Variants in PCDHGA2 observed in about 807,000 individuals in gnomAD.
PCDHGA2 encodes protocadherin gamma-A2.
PCDHGA2 carries 40 observed loss-of-function variants against 59.2 expected under a neutral mutation model. The ratio of observed to expected loss-of-function variants is 0.68; its 90% confidence interval spans 0.52 to 0.88. The LOEUF (loss-of-function observed/expected upper bound fraction) is 0.88, where lower values mean the gene tolerates loss of function less well. Among genes scored for constraint, PCDHGA2 ranks in the 40% least tolerant of loss-of-function variants. The pLI, the probability that PCDHGA2 is intolerant of heterozygous loss-of-function variation, is 0.00. For missense variants in PCDHGA2, 1,226 were observed against 1,204.0 expected (o/e 1.02, Z -0.27); for synonymous variants, 560 against 526.0 (o/e 1.06, Z -0.89).
intron 1 of PCDHGA2, chr5:141,400,515 T>A: frequency 6.2e-7 from 1 of 1,613,988 alleles, no homozygotes. Flanking sequence ...CGACTTCCCA[T>A]CCTGAGTTGG....
At chr5:141,419,570 G>A (rs751047365) in intron 1 of PCDHGA2, 3 of 1,611,764 alleles carry the variant, frequency 1.9e-6, no homozygotes, top group Non-Finnish European at 2.5e-6. Flanking sequence ...GGGTCCCGAC[G>A]GCTCCGCGCT....
Position 141,370,983 on chromosome 5 carries a change from A to G in PCDHGA2, c.2424+29588A>G, listed in dbSNP as rs200655179. Reference sequence around the variant, plus strand: ...CAGTAGGTACCCAGAGCTAGTACTGAAAGCACCCCTGGACAGGGAAGAGCA... The same window carrying G: ...CAGTAGGTACCCAGAGCTAGTACTGGAAGCACCCCTGGACAGGGAAGAGCA... On this transcript the variant is annotated intron_variant, in intron 1 of 3. Coordinates refer to ENST00000394576, the MANE Select transcript of PCDHGA2 (RefSeq NM_018915.4). 112 of 1,613,998 alleles carry G rather than the reference A, an allele frequency of 6.9e-5. No homozygotes were observed. In the African/African-American group the frequency reaches 1.3e-3, roughly 19 times the overall value.
intron 1 of PCDHGA2, chr5:141,404,131 A>G (rs756505012): frequency 1.2e-6 from 2 of 1,613,162 alleles, no homozygotes; most frequent in South Asian, 2.2e-5. Context: ...TATCTTTTAC[A>G]TTAGAAAATT....
chr5:141,356,695 G>T, intron 1 of PCDHGA2: 2 of 1,614,004 alleles, frequency 1.2e-6, no homozygotes, highest in Non-Finnish European at 1.7e-6. Context: ...CTTCCAGGGT[G>T]CACCTCTGTC....
At position 141,431,176 on chromosome 5, in the gene PCDHGA2, A is replaced by G; in HGVS notation, c.2425-63631A>G. On this transcript the variant is annotated intron_variant, in intron 1 of 3. Coordinates refer to ENST00000394576, the MANE Select transcript of PCDHGA2 (RefSeq NM_018915.4). The surrounding 1 kb of genome is among the most constrained non-coding windows in gnomAD (Gnocchi z 4.8). Reference sequence around the variant, plus strand: ...CTTACTTTCGTGAAAGTGAATTAGAAATAAAAATTAGTGAAAATGCAGCCA... The same window carrying G: ...CTTACTTTCGTGAAAGTGAATTAGAGATAAAAATTAGTGAAAATGCAGCCA... The G allele has an allele frequency of 1.2e-6, 2 of 1,614,212 alleles. No individual in the cohort carries two copies. Among genetic ancestry groups the G allele is most frequent in the Non-Finnish European group, 1.7e-6 (2 of 1,180,032 alleles).
chr5:141,345,800 C>T (rs1244081974), intron 1 of PCDHGA2: 1 of 1,613,998 alleles, frequency 6.2e-7, no homozygotes, highest in Non-Finnish European at 8.5e-7. Flanking sequence ...ACCTGGTGAC[C>T]AAGGTGGTGG....
Position 141,375,486 on chromosome 5 carries a change from G to A in PCDHGA2, c.2424+34091G>A, listed in dbSNP as rs1193457334. Reference sequence around the variant, plus strand: ...TATGTCCTTGAAAACAACCCCAGGGGTGCCTCCATCTTCTCTGTGAATGCA... The same window carrying A: ...TATGTCCTTGAAAACAACCCCAGGGATGCCTCCATCTTCTCTGTGAATGCA... On this transcript the variant is annotated intron_variant, in intron 1 of 3. Transcript: ENST00000394576. 9.3e-6 allele frequency: 15 copies of A among 1,613,796 alleles called. No individual in the cohort carries two copies. The Admixed American group carries it at 1.7e-4, about 18-fold the overall frequency.
chr5:141,385,284 A>C (rs1419920858), intron 1 of PCDHGA2: 5 of 1,613,356 alleles, frequency 3.1e-6, no homozygotes, highest in Non-Finnish European at 3.4e-6. Flanking sequence ...TAACATCCGT[A>C]GATTTTCAGG....
intron 1 of PCDHGA2, chr5:141,419,829 C>G (rs748734266): frequency 6.2e-7 from 1 of 1,614,072 alleles, no homozygotes; most frequent in Admixed American, 1.7e-5. Flanking sequence ...CTTTCAGCCA[C>G]TGCCACGCTG....
intron 1 of PCDHGA2, chr5:141,422,139 A>C: frequency 1.9e-6 from 3 of 1,588,154 alleles, no homozygotes; most frequent in Non-Finnish European, 2.6e-6. Context: ...AAGTTCAAGT[A>C]CGGGGGTCTC....
Position 141,371,610 on chromosome 5 carries a change from A to G in PCDHGA2, c.2424+30215A>G, listed in dbSNP as rs1767883802. 2.5e-6 allele frequency: 4 copies of G among 1,613,888 alleles called. No homozygotes were observed. In the East Asian group the frequency reaches 8.9e-5, roughly 36 times the overall value. On this transcript the variant is annotated intron_variant, in intron 1 of 3. Coordinates refer to ENST00000394576, the MANE Select transcript of PCDHGA2 (RefSeq NM_018915.4). ...TACCAAAAACACATACAGGTTGGTG[A>G]CAGATGGAGCCCTGGACCGGGAGCA...
chr5:141,424,005 C>A, intron 1 of PCDHGA2: 1 of 1,070,322 alleles, frequency 9.3e-7, no homozygotes. Context: ...TATATAGATA[C>A]AAATTAATGA....
Position 141,394,191 on chromosome 5 carries a change from T to C in PCDHGA2, c.2424+52796T>C, listed in dbSNP as rs775886477. 3 of 1,613,764 alleles carry C rather than the reference T, an allele frequency of 1.9e-6. No homozygotes were observed. The Admixed American group carries it at 5.0e-5, about 27-fold the overall frequency. On this transcript the variant is annotated intron_variant, in intron 1 of 3. Coordinates refer to ENST00000394576, the MANE Select transcript of PCDHGA2 (RefSeq NM_018915.4). ...TTTCCCTCATGCCTCCTACTCAGCG[T>C]ATATCCTAGAGAACAACCTGAGAGG...
At chr5:141,395,727 T>G (rs895493332) in intron 1 of PCDHGA2, 1 of 153,998 alleles carries the variant, frequency 6.5e-6, no homozygotes, top group Non-Finnish European at 1.4e-5. Flanking sequence ...TGTAGATTTC[T>G]TCACTTTAAA....
At position 141,487,790 on chromosome 5, in the gene PCDHGA2, C is replaced by T. The variant is rs1360781901; in HGVS notation, c.2425-7017C>T. 6.6e-7 allele frequency: 1 copy of T among 1,511,992 alleles called. No individual in the cohort carries two copies. Among genetic ancestry groups the T allele is most frequent in the Non-Finnish European group, 8.9e-7 (1 of 1,120,458 alleles). The allele number at this position is 1,511,992 out of a possible 1,614,324, so 93.7% of individuals were successfully genotyped here. ...GCTTTGTAACTGTTTCGTGAATTAA[C>T]CAGAGTTGTCACAGTTTAGCATTGG... On this transcript the variant is annotated intron_variant, in intron 1 of 3. Coordinates refer to ENST00000394576, the MANE Select transcript of PCDHGA2 (RefSeq NM_018915.4). This position sits in a 1 kb window ranked among gnomAD's most constrained non-coding sequence, Gnocchi z 5.0.
intron 2 of PCDHGA2, among the ~76,000 whole-genome samples, chr5:141,502,382 T>C (rs1668612742): frequency 1.3e-5 from 2 of 152,088 alleles, no homozygotes; most frequent in Non-Finnish European, 2.9e-5. Context: ...CCAGGCCAGT[T>C]GTACTTTAAA....
In PCDHGA2 at chr5:141,477,377, C is replaced by A. The variant is rs1456451105; in HGVS notation, c.2425-17430C>A. On this transcript the variant is annotated intron_variant, in intron 1 of 3. Coordinates refer to ENST00000394576, the MANE Select transcript of PCDHGA2 (RefSeq NM_018915.4). This position sits in a 1 kb window ranked among gnomAD's most constrained non-coding sequence, Gnocchi z 4.9. ...TGCAGACCTGGATCGGGAGACTGTG[C>A]CAGAATACAACCTCAGCATCACCGC... 1.2e-6 allele frequency: 2 copies of A among 1,614,026 alleles called. No homozygotes were observed. The highest frequency in any genetic ancestry group is 1.7e-6 in the Non-Finnish European group (2 of 1,180,032).
intron 1 of PCDHGA2, among the ~76,000 whole-genome samples, chr5:141,469,951 T>C (rs1467717372): frequency 6.6e-6 from 1 of 152,034 alleles, no homozygotes; most frequent in African/African-American, 2.4e-5. Flanking sequence ...GCCAGCATGG[T>C]GAAACCCCAT....
At chr5:141,381,512 A>T (rs1777240689) in intron 1 of PCDHGA2, among the ~76,000 whole-genome samples, 1 of 152,218 alleles carries the variant, frequency 6.6e-6, no homozygotes, top group Non-Finnish European at 1.5e-5. Context: ...ATAGAGTAGG[A>T]TGAAGATTTG....
Sources: gnomAD v4.1 joint callset for allele counts (sites outside exome capture counted in the v4.1 genomes callset) on GRCh38, gnomAD v4.1.1 for gene constraint, Gnocchi (gnomAD v3.1) non-coding constraint, MANE v1.5 for transcripts, NCBI Gene and HGNC (gene_info 2026-07-23, HGNC 2026-07-21) for gene names.